The following SVIL variants were observed in gnomAD, a reference collection of about 807,000 sequenced individuals.
SVIL encodes the protein archvillin.
In SVIL, 101 loss-of-function variants were observed where a neutral mutation model predicts 240.4. The ratio of observed to expected loss-of-function variants is 0.42; its 90% CI spans 0.36 to 0.50. The LOEUF (loss-of-function observed/expected upper bound fraction) is 0.50, where lower values mean the gene tolerates loss of function less well. Among genes scored for constraint, SVIL ranks in the 20% least tolerant of loss-of-function variants. The pLI is 0.01. For missense variants in SVIL, 2,512 were observed against 2,818.7 expected, an observed-to-expected ratio of 0.89 and a Z score of 2.46; for synonymous variants, 999 against 1,100.0, an observed-to-expected ratio of 0.91 and a Z score of 1.82.
At chr10:29,504,672 G>C (rs1263558989) in intron 17 of SVIL, among the ~76,000 whole-genome samples, 1 of 152,162 alleles carries the variant, frequency 6.6e-6, no homozygotes, top group Non-Finnish European at 1.5e-5. Context: ...AATTAGGATG[G>C]CAAAAATGCA....
At position 29,532,607 on chromosome 10, in the gene SVIL, A is replaced by G. The variant is rs1319979296; in HGVS notation, c.1760T>C (p.Met587Thr). The G allele has an allele frequency of 6.2e-7, 1 of 1,614,120 alleles. No individual in the cohort carries two copies. The highest frequency in any genetic ancestry group is 2.2e-5 in the East Asian group (1 of 44,862). ...KTEGPYGEIS[M>T]LDTKVSVAQL... The stretch of plus-strand genomic sequence containing the variant: ...GGCGACAGAGACTTTTGTGTCCAGC[A>G]TGCTGATCTCCCCATAAGGCCCTTC... Residue 587 changes from methionine (M) to threonine (T), a missense_variant, in exon 8 of 38, where the codon ATG becomes ACG. Physicochemically the swap from Met to Thr is moderately conservative, Grantham distance 81 (BLOSUM62 -1). This residue lies in a region of SVIL where 1,443 missense variants were observed against 1,486.6 expected (regional missense o/e 0.97). Coordinates refer to ENST00000355867, the MANE Select transcript of SVIL (RefSeq NM_021738.3).
chr10:29,518,594 G>T (rs1174436144), intron 16 of SVIL, among the ~76,000 whole-genome samples: 3 of 152,112 alleles, frequency 2.0e-5, no homozygotes, highest in African/African-American at 7.2e-5. Context: ...AGTGGCTCAC[G>T]CCTGTAATCC....
At chr10:29,602,077 A>G (rs1051891634) in intron 1 of SVIL, among the ~76,000 whole-genome samples, 1 of 151,754 alleles carries the variant, frequency 6.6e-6, no homozygotes, top group Admixed American at 6.7e-5. Flanking sequence ...CTTTCAAAAC[A>G]TGGGGCCCTG....
At chr10:29,683,333 C>G (rs1220528952) in intron 2 of SVIL, among the ~76,000 whole-genome samples, 3 of 152,156 alleles carry the variant, frequency 2.0e-5, no homozygotes, top group Non-Finnish European at 4.4e-5. Context: ...ATGAAGCCTC[C>G]AGGTAGCAGG....
chr10:29,583,490 G>A (rs1247797221), intron 1 of SVIL, among the ~76,000 whole-genome samples: 1 of 151,978 alleles, frequency 6.6e-6, no homozygotes, highest in Non-Finnish European at 1.5e-5. Context: ...TGTAGAGATG[G>A]GATCTCAACA....
intron 16 of SVIL, among the ~76,000 whole-genome samples, chr10:29,520,684 G>A (rs1158229321): frequency 6.6e-6 from 1 of 152,098 alleles, no homozygotes; most frequent in East Asian, 1.9e-4. Flanking sequence ...GAGGTGGGAG[G>A]ACTGTTTGAG....
chr10:29,697,893 T>A (rs1379235648), intron 1 of SVIL: 2 of 484,936 alleles, frequency 4.1e-6, no homozygotes, highest in Admixed American at 4.0e-5. Flanking sequence ...TCTAGGGATA[T>A]AAATATTCAG....
chr10:29,522,322 T>G, intron 16 of SVIL, 88 bp downstream of exon 16: 1 of 1,235,480 alleles, frequency 8.1e-7, no homozygotes, highest in Non-Finnish European at 1.2e-6. Flanking sequence ...TGATTTCATC[T>G]CTTTGCCCAT....
chr10:29,572,700 G>A (rs1955483338), intron 1 of SVIL, among the ~76,000 whole-genome samples: 1 of 146,624 alleles, frequency 6.8e-6, no homozygotes. Context: ...GGAGGTCGAG[G>A]CTGCAGTGAG....
chr10:29,459,725 G>A (rs1944009765), intron 36 of SVIL, among the ~76,000 whole-genome samples: 1 of 152,136 alleles, frequency 6.6e-6, no homozygotes, highest in Non-Finnish European at 1.5e-5. Flanking sequence ...TTTTGGGTGG[G>A]TGGATGGTGG....
intron 29 of SVIL, among the ~76,000 whole-genome samples, chr10:29,475,077 G>GTGAT (rs1321263356): frequency 9.8e-5 from 15 of 152,336 alleles, no homozygotes; most frequent in African/African-American, 3.4e-4. Flanking sequence ...CCAGGCTGGA[G>GTGAT]TGCAATGGTG....
chr10:29,642,228 G>T (rs1481258913), intron 3 of SVIL, among the ~76,000 whole-genome samples: 1 of 151,962 alleles, frequency 6.6e-6, no homozygotes, highest in East Asian at 1.9e-4. Flanking sequence ...GTGAAACTCT[G>T]TCTCTACTAA....
At chr10:29,688,841 G>C (rs1961285945) in intron 1 of SVIL, among the ~76,000 whole-genome samples, 1 of 152,158 alleles carries the variant, frequency 6.6e-6, no homozygotes, top group African/African-American at 2.4e-5. Context: ...CAGCTATTAG[G>C]AAAGGTAAAT....
chr10:29,491,410 T>C (rs1318277623), intron 21 of SVIL, among the ~76,000 whole-genome samples: 3 of 152,168 alleles, frequency 2.0e-5, no homozygotes, highest in Non-Finnish European at 2.9e-5. Flanking sequence ...ACTTGTCTGT[T>C]TCCGGCAAGC....
chr10:29,606,091 G>A (rs1316378597), intron 1 of SVIL, among the ~76,000 whole-genome samples: 1 of 151,902 alleles, frequency 6.6e-6, no homozygotes, highest in Non-Finnish European at 1.5e-5. Flanking sequence ...TTGTATTTTT[G>A]GTAGAGATGG....
In SVIL at chr10:29,524,689, G is replaced by T; in HGVS notation, c.2369C>A (p.Ala790Asp). 6.2e-7 allele frequency: 1 copy of T among 1,614,110 alleles called. No individual in the cohort carries two copies. The highest frequency in any genetic ancestry group is 8.5e-7 in the Non-Finnish European group (1 of 1,180,026). ...CTCATTTGTCTGGTCCTTGGCTAAG[G>T]CCTTTTGGTGAGCAGAGGCCTGCAA... is the stretch of plus-strand genomic sequence containing the variant. The part of the protein sequence containing the change: ...ARLQASAHQK[A>D]LAKDQTNEGK... The change falls in exon 14 of 38, where the codon GCC (alanine) becomes GAC (aspartate). Residue 790 changes from alanine (A) to aspartate (D), a missense_variant. Transcript: ENST00000355867.
chr10:29,477,003 T>C (rs1414759613), intron 29 of SVIL, among the ~76,000 whole-genome samples: 1 of 151,918 alleles, frequency 6.6e-6, no homozygotes, highest in Non-Finnish European at 1.5e-5. Context: ...GCTGGGATTA[T>C]AGGTGCCCGC....
At chr10:29,653,223 G>T (rs1052060104) in intron 3 of SVIL, among the ~76,000 whole-genome samples, 1 of 152,188 alleles carries the variant, frequency 6.6e-6, no homozygotes, top group East Asian at 1.9e-4. Flanking sequence ...TGATTGGATC[G>T]TGGGGGCAAA....
chr10:29,735,635 A>G lies in SVIL; in HGVS notation c.-400+116T>C, dbSNP rs1274239806. 2 of 151,468 alleles carry G rather than the reference A, an allele frequency of 1.3e-5. No individual in the cohort carries two copies. Among genetic ancestry groups the G allele is most frequent in the Non-Finnish European group, 2.9e-5 (2 of 67,832 alleles). The allele number at this position is 151,468 out of a possible 1,614,324, so 9.4% of individuals were successfully genotyped here. A position where few individuals can be genotyped will look rare whatever the true frequency, so the allele number is the denominator to read the frequency against. ...GTCCCCGGCAGGGCCTCCCGCAGCC[A>G]GAGCGAGACTGACCCGCGCCTCCCG... On this transcript the variant is annotated intron_variant, in intron 1 of 35. Coordinates refer to the SVIL transcript ENST00000375400. The surrounding 1 kb of genome is among the most constrained non-coding windows in gnomAD (Gnocchi z 4.1).
Sources: allele counts gnomAD v4.1 joint callset (sites outside exome capture counted in the v4.1 genomes callset), GRCh38; gene constraint gnomAD v4.1.1; regional missense constraint gnomAD v4.1.1; non-coding constraint Gnocchi (gnomAD v3.1); transcripts MANE v1.5; gene names NCBI Gene and HGNC (gene_info 2026-07-23, HGNC 2026-07-21).